ZNF680: variants seen among roughly 807,000 people sequenced by gnomAD.
The protein encoded by ZNF680 is zinc finger protein 680.
Under a neutral mutation model 12.1 loss-of-function variants are expected in ZNF680, and 6 were observed. That is an observed-to-expected ratio of 0.49 (90% confidence interval 0.27 to 0.98). The LOEUF (loss-of-function observed/expected upper bound fraction) is 0.98. Among genes scored for constraint, ZNF680 ranks in the 50% least tolerant of loss-of-function variants. The probability of loss-of-function intolerance (pLI) is 0.12; values close to 1 mark genes in which losing one functional copy is unlikely to be tolerated. For missense variants in ZNF680, 561 were observed against 616.3 expected, an observed-to-expected ratio of 0.91 and a Z score of 0.95; for synonymous variants, 170 against 199.3, an observed-to-expected ratio of 0.85 and a Z score of 1.24.
intron 1 of ZNF680, among the ~76,000 whole-genome samples, chr7:64,556,924 T>C (rs1383797188): frequency 6.6e-6 from 1 of 152,250 alleles, no homozygotes; most frequent in Non-Finnish European, 1.5e-5. Flanking sequence ...CAAAGGTCTA[T>C]TATTCAAAAT....
rs988654037 is a variant in ZNF680 at position 64,521,090 on chromosome 7, A to T, written c.*71T>A. Reference sequence around the variant, plus strand: ...TACAAGCAAGTGTAACAATCATTGGAAGGCTTTGTCAAATTCTTCACATTT... The same window carrying T: ...TACAAGCAAGTGTAACAATCATTGGTAGGCTTTGTCAAATTCTTCACATTT... On this transcript the variant is annotated 3_prime_UTR_variant, in exon 4 of 4. Transcript: ENST00000309683. 5.6e-6 allele frequency: 8 copies of T among 1,440,602 alleles called. No individual in the cohort carries two copies. The highest frequency in any genetic ancestry group is 7.5e-6 in the Non-Finnish European group (8 of 1,066,028). 89.2% of individuals were successfully genotyped at this position (1,440,602 alleles called of 1,614,324 possible).
intron 1 of ZNF680, chr7:64,551,684 C>G: frequency 6.5e-6 from 1 of 153,922 alleles, no homozygotes; most frequent in Middle Eastern, 8.5e-4. Flanking sequence ...TCCATTGTGA[C>G]AGCCCACCTC....
intron 1 of ZNF680, among the ~76,000 whole-genome samples, chr7:64,558,129 G>C (rs901364153): frequency 6.6e-6 from 1 of 152,182 alleles, no homozygotes; most frequent in Non-Finnish European, 1.5e-5. Context: ...TCTGTGTCCG[G>C]GCAGGCAGAT....
At chr7:64,506,050 G>A in the ZNF680 span, among the ~76,000 whole-genome samples, 1 of 151,968 alleles carries the variant, frequency 6.6e-6, no homozygotes, top group Non-Finnish European at 1.5e-5. Flanking sequence ...CTAATTTTAT[G>A]AGTAATTTCA....
intron 3 of ZNF680, among the ~76,000 whole-genome samples, chr7:64,527,795 T>C (rs1791949743): frequency 2.0e-5 from 3 of 152,040 alleles, no homozygotes; most frequent in Admixed American, 2.0e-4. Flanking sequence ...TCATGGTGGA[T>C]GGGAGGCAGG....
At chr7:64,548,070 C>T (rs1786876420) in intron 1 of ZNF680, among the ~76,000 whole-genome samples, 1 of 152,114 alleles carries the variant, frequency 6.6e-6, no homozygotes, top group Non-Finnish European at 1.5e-5. Flanking sequence ...GCTCTCTATG[C>T]CACTGAGGTA....
intron 3 of ZNF680, among the ~76,000 whole-genome samples, chr7:64,537,703 A>G (rs1430033332): frequency 2.0e-5 from 3 of 152,160 alleles, no homozygotes; most frequent in Non-Finnish European, 2.9e-5. Context: ...CAAGGCGGGC[A>G]GATCACAAGG....
chr7:64,547,990 T>A (rs1419345027), intron 1 of ZNF680, among the ~76,000 whole-genome samples: 2 of 152,174 alleles, frequency 1.3e-5, no homozygotes, highest in Non-Finnish European at 2.9e-5. Flanking sequence ...GGGTCAGACC[T>A]AAGTAAGGCC....
the ZNF680 span, among the ~76,000 whole-genome samples, chr7:64,504,587 T>C: frequency 1.3e-5 from 2 of 152,208 alleles, no homozygotes; most frequent in South Asian, 2.1e-4. Flanking sequence ...CTTTTTATAA[T>C]ATGGAAGAAA....
intron 3 of ZNF680, among the ~76,000 whole-genome samples, chr7:64,540,378 C>A (rs752153868): frequency 1.3e-5 from 2 of 149,490 alleles, no homozygotes; most frequent in Non-Finnish European, 3.0e-5. Context: ...AATCTCAGCT[C>A]ACTGTAACCT....
chr7:64,529,090 C>T (rs1046027776), intron 3 of ZNF680, among the ~76,000 whole-genome samples: 1 of 152,086 alleles, frequency 6.6e-6, no homozygotes, highest in South Asian at 2.1e-4. Flanking sequence ...CAATACAGCT[C>T]GGCTCTCAGG....
chr7:64,561,934 C>CAAAA (rs1187872173), intron 1 of ZNF680, among the ~76,000 whole-genome samples: 3 of 80,320 alleles, frequency 3.7e-5, no homozygotes, highest in Admixed American at 1.4e-4. Flanking sequence ...GACTCCGTCT[C>CAAAA]AAAAAAAAAA....
chr7:64,527,736 G>C (rs1791946120), intron 3 of ZNF680, among the ~76,000 whole-genome samples: 1 of 152,116 alleles, frequency 6.6e-6, no homozygotes, highest in Non-Finnish European at 1.5e-5. Flanking sequence ...GAGAAGCCAA[G>C]GTGGGCTGAT....
In ZNF680 at chr7:64,520,544, ATACT is replaced by A. The variant is rs1209058409; in HGVS notation, c.*613_*616del. On this transcript the variant is annotated 3_prime_UTR_variant, in exon 4 of 4. Coordinates refer to ENST00000309683, the MANE Select transcript of ZNF680 (RefSeq NM_178558.5). ...CTCAATTTTGGATTAAATATTTTTC[ATACT>A]TACTGCATCTGCAAAAACACATTTC... 3 of 151,978 alleles carry A rather than the reference ATACT, an allele frequency of 2.0e-5. No homozygotes were observed. The highest frequency in any genetic ancestry group is 1.9e-4 in the East Asian group (1 of 5,186). The allele number at this position is 151,978 out of a possible 1,614,324, so 9.4% of individuals were successfully genotyped here. A position where few individuals can be genotyped will look rare whatever the true frequency, so the allele number is the denominator to read the frequency against.
At chr7:64,543,625 C>A in intron 3 of ZNF680, 82 bp downstream of exon 3, 1 of 1,211,944 alleles carries the variant, frequency 8.3e-7, no homozygotes, top group Non-Finnish European at 1.2e-6. Flanking sequence ...TTCCCAAATC[C>A]CATGTCAAGA....
intron 1 of ZNF680, among the ~76,000 whole-genome samples, chr7:64,562,673 G>C (rs549915924): frequency 6.6e-6 from 1 of 152,388 alleles, no homozygotes; most frequent in African/African-American, 2.4e-5. Context: ...TGCGGGTGCA[G>C]AGCTGCCCAG....
chr7:64,560,750 T>C (rs577613455), intron 1 of ZNF680, among the ~76,000 whole-genome samples: 7 of 151,498 alleles, frequency 4.6e-5, no homozygotes, highest in East Asian at 1.9e-4. Context: ...AGACAGAGGT[T>C]GCAGTGAGCC....
At chr7:64,562,825 T>C in intron 1 of ZNF680, 100 bp downstream of exon 1, 3 of 1,399,414 alleles carry the variant, frequency 2.1e-6, no homozygotes, top group Non-Finnish European at 3.0e-6. Context: ...CCGCGGATTT[T>C]GGAGCCCAGT....
chr7:64,510,637 G>A, the ZNF680 span, among the ~76,000 whole-genome samples: 2,879 of 151,456 alleles, frequency 0.019, 108 homozygotes, highest in African/African-American at 0.065. Context: ...TCGGCCGGGC[G>A]CGGTGGTTCA....
Sources: allele counts gnomAD v4.1 joint callset (sites outside exome capture counted in the v4.1 genomes callset), GRCh38; gene constraint gnomAD v4.1.1; transcripts MANE v1.5; gene names NCBI Gene and HGNC (gene_info 2026-07-23, HGNC 2026-07-21).